CBR4: variants seen among roughly 807,000 people sequenced by gnomAD.
CBR4 encodes the protein 3-oxoacyl-[acyl-carrier-protein] reductase.
CBR4 carries 22 observed loss-of-function variants against 21.0 expected under a neutral mutation model. That is an observed-to-expected ratio of 1.05 (90% CI 0.75 to 1.50). The LOEUF (loss-of-function observed/expected upper bound fraction) is 1.50, where lower values mean the gene tolerates loss of function less well. Among genes scored for constraint, CBR4 ranks in the 40% most tolerant of loss-of-function variants. The probability of loss-of-function intolerance (pLI) is 0.00; values close to 1 mark genes in which losing one functional copy is unlikely to be tolerated. For synonymous variants in CBR4, 100 were observed against 104.4 expected, an observed-to-expected ratio of 0.96 and a Z score of 0.26; for missense variants, 302 against 286.3, an observed-to-expected ratio of 1.05 and a Z score of -0.40.
rs80192853 is a variant in CBR4 at position 168,954,750 on chromosome 4, T to C, written n.169+47321A>G. On this transcript the variant is annotated intron_variant and non_coding_transcript_variant, in intron 2 of 3. Transcript: ENST00000509108. ...CATGAAAAGGAAGACATGAGATCCA[T>C]GGAAGAGAGGATCCAACGTATTAGA... is the stretch of plus-strand genomic sequence containing the variant. 4.8e-3 allele frequency among the ~76,000 whole-genome samples: 735 copies of C among 152,260 alleles called. 7 individuals are homozygous for C. Among genetic ancestry groups the C allele is most frequent in the Admixed American group, 5.5e-3 (84 of 15,284 alleles).
intron 2 of CBR4, among the ~76,000 whole-genome samples, chr4:168,980,754 G>T (rs1404850195): frequency 2.0e-5 from 3 of 152,118 alleles, no homozygotes; most frequent in African/African-American, 4.8e-5. Context: ...AAAGAAAAAA[G>T]AATTCAACAG....
At chr4:168,921,428 C>G in intron 2 of CBR4, 3 of 529,392 alleles carry the variant, frequency 5.7e-6, no homozygotes, top group Admixed American at 3.7e-5. Context: ...AAAAAAAAAG[C>G]CACCTCTTGT....
intron 2 of CBR4, among the ~76,000 whole-genome samples, chr4:168,934,306 C>G (rs1042756151): frequency 1.7e-5 from 1 of 60,296 alleles, no homozygotes; most frequent in African/African-American, 6.0e-5. Flanking sequence ...AAAAAAAAAG[C>G]AAGCCAAACC....
rs566649262 is a variant in CBR4, at chr4:168,970,715, T to C, written n.169+31356A>G. Among the ~76,000 whole-genome samples, 123 of 149,450 alleles carry C rather than the reference T, an allele frequency of 8.2e-4. 1 individual carries two copies. In the South Asian group the frequency reaches 0.025, roughly 31 times the overall value. ...TTGCTCCCACTCATAAGTGAGAACA[T>C]ATGATGTTTGGTTTTCCATTCCTGA... On this transcript the variant is annotated intron_variant and non_coding_transcript_variant, in intron 2 of 3. Transcript: ENST00000509108.
intron 2 of CBR4, among the ~76,000 whole-genome samples, chr4:168,924,590 G>A (rs1438237651): frequency 6.6e-6 from 1 of 152,168 alleles, no homozygotes; most frequent in African/African-American, 2.4e-5. Flanking sequence ...GTAGGATTAA[G>A]CTTTTAGAAG....
chr4:169,007,760 C>T lies in CBR4; in HGVS notation c.143-4G>A, dbSNP rs1472168959. On this transcript the variant is annotated splice_polypyrimidine_tract_variant and splice_region_variant and intron_variant, in intron 1 of 4. Coordinates refer to ENST00000306193, the MANE Select transcript of CBR4 (RefSeq NM_032783.5). The stretch of plus-strand genomic sequence containing the variant: ...CAGCTAAATGCCAAATGATCTCCTA[C>T]ACAACAAAGTTAAATAAGAATTACT... 1.3e-6 allele frequency: 2 copies of T among 1,566,280 alleles called. No homozygotes were observed. Among genetic ancestry groups the T allele is most frequent in the East Asian group, 4.7e-5 (2 of 42,414 alleles).
At chr4:168,917,529 C>T (rs917823432) in intron 2 of CBR4, among the ~76,000 whole-genome samples, 3 of 151,844 alleles carry the variant, frequency 2.0e-5, no homozygotes, top group Non-Finnish European at 2.9e-5. Context: ...CTTTTTTGCC[C>T]CCTGTTTACT....
At chr4:168,959,561 C>CTTTTTT (rs750848079) in intron 2 of CBR4, among the ~76,000 whole-genome samples, 2 of 50,892 alleles carry the variant, frequency 3.9e-5, no homozygotes, top group Admixed American at 2.1e-4. Context: ...TTATCAATTT[C>CTTTTTT]TTTTTTTTTT....
At position 169,003,219 on chromosome 4, in the gene CBR4, C is replaced by G. The variant is rs541952724; in HGVS notation, c.401-1014G>C. 3.9e-5 allele frequency among the ~76,000 whole-genome samples: 6 copies of G among 152,254 alleles called. No homozygotes were observed. In the South Asian group the frequency reaches 1.2e-3, roughly 32 times the overall value. On this transcript the variant is annotated intron_variant, in intron 3 of 4. Transcript: ENST00000306193. ...TAAAAGCCTTCTGGAAAGGATTCAC[C>G]GTTCTATATGCCATTCAGAACATTT...
chr4:168,929,463 T>G (rs1762898686), intron 2 of CBR4, among the ~76,000 whole-genome samples: 1 of 152,246 alleles, frequency 6.6e-6, no homozygotes, highest in Non-Finnish European at 1.5e-5. Context: ...TTTACAAGAT[T>G]CATTATATAT....
chr4:168,938,509 A>C (rs1340028311), intron 2 of CBR4, among the ~76,000 whole-genome samples: 1 of 152,214 alleles, frequency 6.6e-6, no homozygotes, highest in East Asian at 1.9e-4. Context: ...CCTTCAAAAA[A>C]TCAATGAATC....
intron 2 of CBR4, among the ~76,000 whole-genome samples, chr4:168,904,981 G>A (rs984820355): frequency 2.0e-5 from 3 of 151,752 alleles, no homozygotes; most frequent in Admixed American, 6.6e-5. Flanking sequence ...ACAAAAATTA[G>A]CCAGGTGTGG....
At chr4:168,985,431 A>G (rs982028376), downstream of CBR4, among the ~76,000 whole-genome samples, 5 of 152,224 alleles carry the variant, frequency 3.3e-5, no homozygotes, top group African/African-American at 1.2e-4. Context: ...ACGTTTATAC[A>G]CTGCTGGTGG....
intron 2 of CBR4, among the ~76,000 whole-genome samples, chr4:168,968,109 T>C (rs186296804): frequency 6.6e-6 from 1 of 152,244 alleles, no homozygotes; most frequent in Non-Finnish European, 1.5e-5. Flanking sequence ...AGTAATTTCT[T>C]AGAGAAAATA....
chr4:168,960,743 A>G (rs1277263449), intron 2 of CBR4, among the ~76,000 whole-genome samples: 1 of 152,324 alleles, frequency 6.6e-6, no homozygotes, highest in East Asian at 1.9e-4. Context: ...TCTTAAAAAC[A>G]AGATTGCCAC....
At position 168,922,098 on chromosome 4, in the gene CBR4, TATATACACACACACAC is replaced by T. The variant is rs1160921639; in HGVS notation, n.170-27349_170-27334del. Among the ~76,000 whole-genome samples, 487 of 107,640 alleles carry T rather than the reference TATATACACACACACAC, an allele frequency of 4.5e-3. 2 individuals are homozygous for T. The highest frequency in any genetic ancestry group is 0.015 in the African/African-American group (465 of 31,970). The allele number at this position is 107,640 out of a possible 152,430, so 70.6% of individuals were successfully genotyped here. A position where few individuals can be genotyped will look rare whatever the true frequency, so the allele number is the denominator to read the frequency against. ...AAAGTTTTATATTTATATATATATA[TATATACACACACACAC>T]ACACACACACACACACACACACACA... On this transcript the variant is annotated intron_variant and non_coding_transcript_variant, in intron 2 of 3. Coordinates refer to the CBR4 transcript ENST00000509108.
chr4:168,921,546 C>G, intron 2 of CBR4: 2 of 1,603,036 alleles, frequency 1.2e-6, no homozygotes, highest in Non-Finnish European at 1.7e-6. Flanking sequence ...CAGTGGGTTA[C>G]CAACCCCAGA....
At chr4:168,932,317 TCAA>T (rs1230869776) in intron 2 of CBR4, among the ~76,000 whole-genome samples, 2 of 151,024 alleles carry the variant, frequency 1.3e-5, no homozygotes, top group East Asian at 3.9e-4. Flanking sequence ...ATCAAGAGCT[TCAA>T]CAACAGATTA....
intron 2 of CBR4, among the ~76,000 whole-genome samples, chr4:168,929,608 A>G (rs561266182): frequency 1.3e-5 from 2 of 152,296 alleles, no homozygotes; most frequent in South Asian, 4.1e-4. Context: ...TTATAGAAAT[A>G]CAACTTCTAT....
Sources: allele counts gnomAD v4.1 joint callset (sites outside exome capture counted in the v4.1 genomes callset), GRCh38; gene constraint gnomAD v4.1.1; transcripts MANE v1.5; gene names NCBI Gene and HGNC (gene_info 2026-07-23, HGNC 2026-07-21).